The following ZNF44 variants were observed in gnomAD, a reference collection of about 807,000 sequenced individuals.
The protein encoded by ZNF44 is gonadotropin inducible transcription repressor-2.
Under a neutral mutation model 11.7 loss-of-function variants are expected in ZNF44, and 9 were observed. The ratio of observed to expected loss-of-function variants is 0.77; its 90% CI spans 0.46 to 1.35. ZNF44 has a LOEUF of 1.35. ZNF44 is among the 40% of genes most tolerant of loss of function. The pLI, the probability that ZNF44 is intolerant of heterozygous loss-of-function variation, is 0.00. For synonymous variants in ZNF44, 224 were observed against 242.7 expected (o/e 0.92, Z 0.72); for missense variants, 696 against 743.1 (o/e 0.94, Z 0.74).
chr19:12,249,189 T>C (rs1166012435), intron 7 of ZNF44, among the ~76,000 whole-genome samples: 1 of 150,690 alleles, frequency 6.6e-6, no homozygotes, highest in Non-Finnish European at 1.5e-5. Flanking sequence ...GCCTGGACCA[T>C]GAACATCTAT....
chr19:12,247,849 G>A, exon 8 of ZNF44: 1 of 1,303,778 alleles, frequency 7.7e-7, no homozygotes. Flanking sequence ...TTCCCACACA[G>A]TTTACATTCA....
At chr19:12,246,538 GC>G (rs112809646), downstream of ZNF44, among the ~76,000 whole-genome samples, 47,551 of 151,952 alleles carry the variant, frequency 0.31, 8,010 homozygotes, top group African/African-American at 0.45. Context: ...TTTTTCAATG[GC>G]CCAGAACTAT....
chr19:12,246,025 T>G (rs1232057951), downstream of ZNF44, among the ~76,000 whole-genome samples: 2 of 152,196 alleles, frequency 1.3e-5, no homozygotes, highest in Non-Finnish European at 2.9e-5. Flanking sequence ...AATTTGCAGT[T>G]TGGATTTTCC....
chr19:12,266,840 A>G (rs970784056), downstream of ZNF44, among the ~76,000 whole-genome samples: 1 of 151,994 alleles, frequency 6.6e-6, no homozygotes, highest in Non-Finnish European at 1.5e-5. Flanking sequence ...TTCCTCTTGG[A>G]CAAAAGGGAA....
intron 1 of ZNF44, among the ~76,000 whole-genome samples, chr19:12,290,635 G>A (rs1967972106): frequency 6.6e-6 from 1 of 152,048 alleles, no homozygotes; most frequent in Non-Finnish European, 1.5e-5. Flanking sequence ...GGAAGGCAGA[G>A]GTTGCAGTGA....
upstream of ZNF44, among the ~76,000 whole-genome samples, chr19:12,240,737 G>A (rs575808449): frequency 2.6e-5 from 4 of 152,006 alleles, no homozygotes; most frequent in South Asian, 2.1e-4. Flanking sequence ...GGGAAAACTG[G>A]GTATCTACAT....
At chr19:12,263,874 G>A (rs1029101239) in intron 5 of ZNF44, among the ~76,000 whole-genome samples, 7 of 149,608 alleles carry the variant, frequency 4.7e-5, no homozygotes, top group Non-Finnish European at 1.0e-4. Context: ...CCAGTGAGCC[G>A]AGATGGCACC....
At chr19:12,265,159 C>A (rs189075677) in intron 5 of ZNF44, among the ~76,000 whole-genome samples, 1 of 152,006 alleles carries the variant, frequency 6.6e-6, no homozygotes, top group African/African-American at 2.4e-5. Flanking sequence ...TGGCTCATGC[C>A]CGTAATCCCA....
chr19:12,258,309 G>C (rs1917351712), intron 5 of ZNF44, among the ~76,000 whole-genome samples: 1 of 128,660 alleles, frequency 7.8e-6, no homozygotes, highest in Non-Finnish European at 1.6e-5. Context: ...TCCAGCGTGG[G>C]CAACAGAGTG....
exon 8 of ZNF44, chr19:12,248,043 G>C (rs1470507332): frequency 7.5e-7 from 1 of 1,337,188 alleles, no homozygotes; most frequent in Admixed American, 2.1e-5. Flanking sequence ...TTTTTCTCCA[G>C]TGTGAGTTCT....
intron 5 of ZNF44, chr19:12,266,387 C>G: frequency 1.0e-6 from 1 of 970,308 alleles, no homozygotes; most frequent in African/African-American, 1.8e-5. Context: ...TCAGAGAAGC[C>G]GAGAGCGACC....
At chr19:12,247,612 G>C, downstream of ZNF44, 1 of 1,334,290 alleles carries the variant, frequency 7.5e-7, no homozygotes, top group Non-Finnish European at 9.9e-7. Flanking sequence ...CATTCATACT[G>C]TTTCTTTGCA....
At chr19:12,270,887 G>C (rs975879314), downstream of ZNF44, among the ~76,000 whole-genome samples, 4 of 152,182 alleles carry the variant, frequency 2.6e-5, no homozygotes, top group Non-Finnish European at 4.4e-5. Flanking sequence ...TAAAGCCCAG[G>C]ACACCCAAAG....
At chr19:12,290,475 G>A (rs1029797430) in intron 1 of ZNF44, among the ~76,000 whole-genome samples, 8 of 148,772 alleles carry the variant, frequency 5.4e-5, no homozygotes, top group Middle Eastern at 3.6e-3. Context: ...GGCCAAGGCC[G>A]GTGGATCACA....
chr19:12,229,458 T>C (rs1871117873), intron 3 of ZNF44, among the ~76,000 whole-genome samples: 1 of 152,130 alleles, frequency 6.6e-6, no homozygotes, highest in Non-Finnish European at 1.5e-5. Context: ...ATTTTATACA[T>C]GCACCAAGAG....
chr19:12,291,693 C>CA (rs997223160), intron 1 of ZNF44, among the ~76,000 whole-genome samples: 23 of 144,446 alleles, frequency 1.6e-4, no homozygotes, highest in South Asian at 4.4e-4. Context: ...GACCATGTCT[C>CA]AAAAAAAAAA....
intron 1 of ZNF44, among the ~76,000 whole-genome samples, chr19:12,288,757 C>CA (rs1348181476): frequency 0.046 from 2,080 of 45,032 alleles, 63 homozygotes; most frequent in Non-Finnish European, 0.061. Context: ...GACTCCGTCT[C>CA]AAAAAAAAAA....
chr19:12,274,221 C>T (rs1967112170), intron 3 of ZNF44, among the ~76,000 whole-genome samples, 158 bp from the exon 4 acceptor site: 1 of 151,788 alleles, frequency 6.6e-6, no homozygotes, highest in South Asian at 2.1e-4. Context: ...TAACTCAATC[C>T]CAGCTATTTT....
At chr19:12,292,917 G>A (rs968722178) in intron 1 of ZNF44, among the ~76,000 whole-genome samples, 2 of 141,174 alleles carry the variant, frequency 1.4e-5, no homozygotes, top group Non-Finnish European at 3.0e-5. Flanking sequence ...AGGCTGGAGT[G>A]CAATGGCATG....
Sources: allele counts gnomAD v4.1 joint callset (sites outside exome capture counted in the v4.1 genomes callset), GRCh38; gene constraint gnomAD v4.1.1; transcripts MANE v1.5; gene names NCBI Gene and HGNC (gene_info 2026-07-23, HGNC 2026-07-21).